The following PHGDH variants were observed in gnomAD, a reference collection of about 807,000 sequenced individuals.
PHGDH encodes phosphoglycerate dehydrogenase, also known as D-3-phosphoglycerate dehydrogenase.
In PHGDH, 50 loss-of-function variants were observed where a neutral mutation model predicts 52.6. The observed-to-expected ratio is 0.95, with a 90% CI of 0.76 to 1.20. The LOEUF (loss-of-function observed/expected upper bound fraction) is 1.20. Ranked by LOEUF, PHGDH falls within the 50% of genes most tolerant of loss-of-function variation. PHGDH has a pLI of 0.00. For missense variants in PHGDH, 630 were observed against 684.6 expected (o/e 0.92, Z 0.89); for synonymous variants, 271 against 280.5 (o/e 0.97, Z 0.34).
chr1:119,735,019 C>T (rs1651869657), intron 6 of PHGDH: 1 of 619,170 alleles, frequency 1.6e-6, no homozygotes, highest in South Asian at 1.9e-5. Context: ...TTTCTGCAGC[C>T]CCTGCAGGGC....
At chr1:119,725,008 G>A (rs1382379122) in intron 3 of PHGDH, 1 of 456,622 alleles carries the variant, frequency 2.2e-6, no homozygotes, top group Non-Finnish European at 4.4e-6. Context: ...TGGGCAATGT[G>A]GGTGGAGAGC....
chr1:119,721,466 G>C (rs587701852), intron 2 of PHGDH, 145 bp downstream of exon 2: 1 of 726,808 alleles, frequency 1.4e-6, no homozygotes, highest in Non-Finnish European at 2.3e-6. Flanking sequence ...GGCCTGCATG[G>C]TCAACACACA....
intron 1 of PHGDH, among the ~76,000 whole-genome samples, chr1:119,717,605 A>G (rs1388901712): frequency 6.6e-6 from 1 of 152,156 alleles, no homozygotes; most frequent in Non-Finnish European, 1.5e-5. Flanking sequence ...TTGAATTTTC[A>G]TAACATTATT....
chr1:119,726,973 A>G lies in PHGDH; in HGVS notation c.412-31A>G, dbSNP rs1260608515. 5.0e-6 allele frequency: 8 copies of G among 1,607,472 alleles called. No homozygotes were observed. The East Asian group carries it at 1.6e-4, about 31-fold the overall frequency. ...GGGGTCCACTCATGTTGCTGACTTC[A>G]GCTTCTTTCCTTTTGCCTGTTTGGT... is the stretch of plus-strand genomic sequence containing the variant. On this transcript the variant is annotated intron_variant, in intron 4 of 11. Transcript: ENST00000641023.
At chr1:119,723,566 G>A in intron 3 of PHGDH, 125 bp downstream of exon 3, 1 of 772,908 alleles carries the variant, frequency 1.3e-6, no homozygotes, top group Non-Finnish European at 2.3e-6. Flanking sequence ...CTGCTAAGAA[G>A]GCGACATGCA....
rs587717466 is a variant in PHGDH, at chr1:119,720,845, G to T, written c.139-325G>T. The T allele has an allele frequency of 1.0e-5, 4 of 387,558 alleles. No homozygotes were observed. The East Asian group carries it at 1.8e-4, about 18-fold the overall frequency. The allele number at this position is 387,558 out of a possible 1,614,324, so 24.0% of individuals were successfully genotyped here. On this transcript the variant is annotated intron_variant, in intron 1 of 11. Coordinates refer to ENST00000641023, the MANE Select transcript of PHGDH (RefSeq NM_006623.4). ...CCAGCATGTGTCTGATGGACATCCA[G>T]GCTGCAGGCATCATGGTGCTGTCTA...
At position 119,740,526 on chromosome 1, in the gene PHGDH, G is replaced by A. The variant is rs1280016607; in HGVS notation, c.1078+8G>A. The A allele has an allele frequency of 6.4e-7, 1 of 1,561,270 alleles. No individual in the cohort carries two copies. The highest frequency in any genetic ancestry group is 1.2e-5 in the South Asian group (1 of 84,924). ...TCCAGGTGATAACACAGGGTGAGCT[G>A]GGGACCTTGCAGAGGGAGGGGGAGG... On this transcript the variant is annotated splice_region_variant and intron_variant, in intron 9 of 11. Transcript: ENST00000641023.
intron 3 of PHGDH, chr1:119,724,489 G>A (rs587627928): frequency 1.5e-5 from 5 of 336,168 alleles, no homozygotes; most frequent in South Asian, 2.5e-5. Flanking sequence ...AGGAGGCAGT[G>A]GGGGGAAAGG....
In PHGDH at chr1:119,740,513, C is replaced by T. The variant is rs1652150159; in HGVS notation, c.1073C>T (p.Thr358Ile). ...CCCAAAGGGACCATCCAGGTGATAA[C>T]ACAGGGTGAGCTGGGGACCTTGCAG... ...GSPKGTIQVI[T>I]QGTSLKNAGN... is the part of the protein sequence containing the mutation. The change falls in exon 9 of 12, where the codon ACA (threonine) becomes ATA (isoleucine). Residue 358 changes from threonine (T) to isoleucine (I), a missense_variant. Transcript: ENST00000641023. The T allele has an allele frequency of 6.4e-7, 1 of 1,573,020 alleles. No homozygotes were observed. The highest frequency in any genetic ancestry group is 1.9e-5 in the Admixed American group (1 of 53,590).
intron 8 of PHGDH, chr1:119,739,601 A>G (rs181393039): frequency 1.3e-4 from 20 of 152,310 alleles, no homozygotes; most frequent in Admixed American, 9.8e-4. Context: ...CCTTCTAATT[A>G]CATCTTGTAG....
At chr1:119,738,963 C>T (rs1183381567) in intron 8 of PHGDH, among the ~76,000 whole-genome samples, 2 of 152,180 alleles carry the variant, frequency 1.3e-5, no homozygotes, top group Non-Finnish European at 2.9e-5. Context: ...TTGAACTGTT[C>T]ACCCACATCA....
At chr1:119,716,729 C>T (rs1014465948) in intron 1 of PHGDH, among the ~76,000 whole-genome samples, 2 of 152,018 alleles carry the variant, frequency 1.3e-5, no homozygotes, top group African/African-American at 4.8e-5. Context: ...CTGAGCTGAC[C>T]ACTTGAAAGG....
rs1651261197 is a variant in PHGDH at position 119,723,369 on chromosome 1, T to A, written c.291-7T>A. 6.2e-7 allele frequency: 1 copy of A among 1,611,616 alleles called. No homozygotes were observed. Among genetic ancestry groups the A allele is most frequent in the Non-Finnish European group, 8.5e-7 (1 of 1,177,806 alleles). Reference sequence around the variant, plus strand: ...CCATTGATGTCCCCCTTTTCTTTGATCTTTAGCACCCCCAATGGGAACAGC... The same window carrying A: ...CCATTGATGTCCCCCTTTTCTTTGAACTTTAGCACCCCCAATGGGAACAGC... On this transcript the variant is annotated splice_polypyrimidine_tract_variant and splice_region_variant and intron_variant, in intron 2 of 11. Transcript: ENST00000641023.
rs1652270840 is a variant in PHGDH, at chr1:119,742,798, T to A, written c.1210-9T>A. 1 of 1,570,492 alleles carries A rather than the reference T, an allele frequency of 6.4e-7. No homozygotes were observed. Among genetic ancestry groups the A allele is most frequent in the South Asian group, 1.1e-5 (1 of 88,458 alleles). ...GAGGTGTAACAGTCACCTTGCCTTC[T>A]CCACACAGGTCACCACCTCCCACAG... On this transcript the variant is annotated splice_polypyrimidine_tract_variant and intron_variant, in intron 10 of 11. Transcript: ENST00000641023.
chr1:119,723,899 G>T (rs1651282157), intron 3 of PHGDH, among the ~76,000 whole-genome samples: 1 of 151,962 alleles, frequency 6.6e-6, no homozygotes, highest in African/African-American at 2.4e-5. Context: ...GATTCCCCTG[G>T]CCCTCAGGGC....
At chr1:119,734,054 C>T (rs1234869709) in intron 5 of PHGDH, among the ~76,000 whole-genome samples, 2 of 152,184 alleles carry the variant, frequency 1.3e-5, no homozygotes, top group East Asian at 3.9e-4. Flanking sequence ...CACTCTGGGT[C>T]CTGCCTTGTA....
intron 6 of PHGDH, 126 bp downstream of exon 6, chr1:119,734,892 C>A (rs774234210): frequency 2.8e-6 from 3 of 1,064,514 alleles, no homozygotes; most frequent in South Asian, 2.5e-5. Context: ...CTGGGTCCTG[C>A]AGAGGCTGGT....
At chr1:119,727,794 A>T (rs918782587) in intron 5 of PHGDH, 3 of 152,904 alleles carry the variant, frequency 2.0e-5, no homozygotes, top group East Asian at 1.9e-4. Flanking sequence ...AGATCATGCC[A>T]CTGCACTCCA....
chr1:119,743,375 T>C (rs1230884846), intron 11 of PHGDH, among the ~76,000 whole-genome samples: 2 of 152,160 alleles, frequency 1.3e-5, no homozygotes, highest in African/African-American at 4.8e-5. Flanking sequence ...CTCAGGGACA[T>C]TGAGTGCAGG....
Sources: gnomAD v4.1 joint callset for allele counts (sites outside exome capture counted in the v4.1 genomes callset) on GRCh38, gnomAD v4.1.1 for gene constraint, MANE v1.5 for transcripts, NCBI Gene and HGNC (gene_info 2026-07-23, HGNC 2026-07-21) for gene names.